The following RNF212 variants were observed in gnomAD, a reference collection of about 807,000 sequenced individuals.
The protein encoded by RNF212 is probable E3 SUMO-protein ligase RNF212.
Under a neutral mutation model 34.7 loss-of-function variants are expected in RNF212, and 33 were observed. That is an observed-to-expected ratio of 0.95 (90% CI 0.72 to 1.27). The LOEUF (loss-of-function observed/expected upper bound fraction) is 1.27. RNF212 is among the 50% of genes most tolerant of loss of function. The pLI is 0.00. For synonymous variants in RNF212, 140 were observed against 136.1 expected (o/e 1.03, Z -0.20); for missense variants, 377 against 362.2 (o/e 1.04, Z -0.33).
Position 1,083,945 on chromosome 4 carries a change from A to T in RNF212, c.362+1951T>A, listed in dbSNP as rs1016083861. On this transcript the variant is annotated intron_variant, in intron 5 of 9. Transcript: ENST00000433731. ...ATGAAAGTAATTCCACATTTTGTGCATTTTTTTTTTTTTTTTTTGAGAGAC... is the reference window on the plus strand; with the variant it reads ...ATGAAAGTAATTCCACATTTTGTGCTTTTTTTTTTTTTTTTTTTGAGAGAC... 2.0e-3 allele frequency among the ~76,000 whole-genome samples: 266 copies of T among 134,662 alleles called. 1 individual carries two copies. Among genetic ancestry groups the T allele is most frequent in the African/African-American group, 6.7e-3 (246 of 36,504 alleles). The allele number at this position is 134,662 out of a possible 152,430, so 88.3% of individuals were successfully genotyped here. A position where few individuals can be genotyped will look rare whatever the true frequency, so the allele number is the denominator to read the frequency against.
At chr4:1,094,119 G>A in intron 3 of RNF212, 1 of 1,325,608 alleles carries the variant, frequency 7.5e-7, no homozygotes, top group South Asian at 1.5e-5. Flanking sequence ...ATGAAGGAGA[G>A]TGCCATGCAG....
At chr4:1,100,154 TGTGGAC>T (rs1723738100) in intron 2 of RNF212, 1 of 335,088 alleles carries the variant, frequency 3.0e-6, no homozygotes, top group South Asian at 2.4e-5. Flanking sequence ...TTGCTGCCTG[TGTGGAC>T]TTTGCACGGT....
intron 1 of RNF212, among the ~76,000 whole-genome samples, chr4:1,111,962 C>T (rs1186102987): frequency 6.6e-6 from 1 of 152,196 alleles, no homozygotes; most frequent in Non-Finnish European, 1.5e-5. Flanking sequence ...GCTAATCCCA[C>T]ATTTCGGGAG....
At chr4:1,070,903 CA>C (rs1718433270), downstream of RNF212, among the ~76,000 whole-genome samples, 1 of 151,446 alleles carries the variant, frequency 6.6e-6, no homozygotes, top group African/African-American at 2.4e-5. Context: ...ACTGTTCTTA[CA>C]ATTTTTTCTG....
At position 1,073,620 on chromosome 4, in the gene RNF212, G is replaced by A. The variant is rs1034164775; in HGVS notation, c.553C>T (p.Pro185Ser). 207 of 1,611,000 alleles carry A rather than the reference G, an allele frequency of 1.3e-4. 1 individual carries two copies. The highest frequency in any genetic ancestry group is 1.7e-4 in the Non-Finnish European group (198 of 1,177,576). The change falls in exon 9 of 10, where the codon CCA becomes TCA. Residue 185 changes from proline (P) to serine (S), a missense_variant. By Grantham distance (74) the Pro-to-Ser change is moderately conservative. Transcript: ENST00000433731. Reference protein sequence around the residue: ...AGPARISMISPPQDGRMGPHL... With the variant: ...AGPARISMISSPQDGRMGPHL... ...TTACCCATTCGTCCATCTTGAGGTG[G>A]ACTAATCATGGAGATTCTCGCAGGG...
At chr4:1,110,574 G>C (rs1027406540) in intron 1 of RNF212, among the ~76,000 whole-genome samples, 5 of 152,178 alleles carry the variant, frequency 3.3e-5, no homozygotes, top group African/African-American at 1.2e-4. Flanking sequence ...CCTTAAGAAT[G>C]ATGATACAGA....
chr4:1,083,922 G>A (rs907026610), intron 5 of RNF212, among the ~76,000 whole-genome samples: 1 of 149,026 alleles, frequency 6.7e-6, no homozygotes, highest in Admixed American at 6.7e-5. Context: ...GGAAAAAAAT[G>A]AAAGTAATTC....
At chr4:1,073,303 A>G (rs1031965358) in intron 9 of RNF212, 110 bp from the exon 10 acceptor site, 1 of 1,420,340 alleles carries the variant, frequency 7.0e-7, no homozygotes, top group East Asian at 2.4e-5. Flanking sequence ...CCAGCAATTC[A>G]AAGCCAATTA....
In RNF212 at chr4:1,075,527, G is replaced by C. The variant is rs6833432; in HGVS notation, c.511-1865C>G. ...ATCTCGTGAGAACTCACCCACCATGGCAAAGACAGCACCAGCCACCAGGGA... is the reference window on the plus strand; with the variant it reads ...ATCTCGTGAGAACTCACCCACCATGCCAAAGACAGCACCAGCCACCAGGGA... On this transcript the variant is annotated intron_variant, in intron 8 of 9. Transcript: ENST00000433731. Among the ~76,000 whole-genome samples, 1,209 of 152,302 alleles carry C rather than the reference G, an allele frequency of 7.9e-3. 13 individuals are homozygous for C. The highest frequency in any genetic ancestry group is 0.028 in the African/African-American group (1,161 of 41,544).
chr4:1,081,563 T>C lies in RNF212; in HGVS notation c.415+4A>G. The C allele has an allele frequency of 6.2e-7, 1 of 1,610,590 alleles. No homozygotes were observed. The highest frequency in any genetic ancestry group is 8.5e-7 in the Non-Finnish European group (1 of 1,176,874). On this transcript the variant is annotated splice_donor_region_variant and intron_variant, in intron 6 of 9. Transcript: ENST00000433731. Reference sequence around the variant, plus strand: ...TGTTCTCTTTCTGGCATGATTTTACTTACTTGAAACTGAACTTTTTATTGT... The same window carrying C: ...TGTTCTCTTTCTGGCATGATTTTACCTACTTGAAACTGAACTTTTTATTGT...
intron 3 of RNF212, chr4:1,093,793 G>A: frequency 1.3e-6 from 2 of 1,536,150 alleles, no homozygotes; most frequent in Non-Finnish European, 1.7e-6. Context: ...GATGGAGCAG[G>A]GTGAGGGGGT....
chr4:1,086,318 C>A (rs1050695681), intron 4 of RNF212, among the ~76,000 whole-genome samples: 2 of 152,026 alleles, frequency 1.3e-5, no homozygotes, highest in South Asian at 4.1e-4. Context: ...ACAGCCTCTG[C>A]TGTCAGGCTG....
intron 3 of RNF212, chr4:1,093,686 G>A (rs776734207): frequency 4.0e-5 from 61 of 1,536,012 alleles, no homozygotes; most frequent in South Asian, 1.7e-4. Flanking sequence ...TGGAGCGCAC[G>A]GCCTGTGGCT....
chr4:1,085,657 G>T, intron 5 of RNF212: 1 of 564,176 alleles, frequency 1.8e-6, no homozygotes, highest in Non-Finnish European at 3.1e-6. Flanking sequence ...AGCAATCACT[G>T]GGGCACCTGC....
At chr4:1,108,831 C>G (rs1725215457) in intron 1 of RNF212, among the ~76,000 whole-genome samples, 1 of 152,030 alleles carries the variant, frequency 6.6e-6, no homozygotes, top group South Asian at 2.1e-4. Flanking sequence ...CCCTGAGTAG[C>G]TAGGACCACA....
chr4:1,068,820 A>G (rs1202354787), downstream of RNF212, among the ~76,000 whole-genome samples: 3 of 152,254 alleles, frequency 2.0e-5, no homozygotes, highest in Non-Finnish European at 4.4e-5. Flanking sequence ...CATTGGATAC[A>G]GAATTCCTGG....
In RNF212 at chr4:1,073,025, G is replaced by C. The variant is rs749063976; in HGVS notation, c.743C>G (p.Thr248Ser). The change falls in exon 10 of 10, where the codon ACC becomes AGC. Residue 248 changes from threonine (T) to serine (S), a missense_variant. By Grantham distance (58) the Thr-to-Ser change is moderately conservative. Coordinates refer to ENST00000433731, the MANE Select transcript of RNF212 (RefSeq NM_001131034.4). ...AFSSGRHGEL[T>S]NSKTLPIYAE... ...ATATATTGGAAGTGTTTTAGAGTTGGTGAGTTCCCCGTGCCTTCCAGAACT... is the reference window on the plus strand; with the variant it reads ...ATATATTGGAAGTGTTTTAGAGTTGCTGAGTTCCCCGTGCCTTCCAGAACT... 6.2e-7 allele frequency: 1 copy of C among 1,614,188 alleles called. No individual in the cohort carries two copies. Among genetic ancestry groups the C allele is most frequent in the South Asian group, 1.1e-5 (1 of 91,082 alleles).
chr4:1,060,912 A>AGTGCTT (rs1243396759), intron 3 of RNF212, among the ~76,000 whole-genome samples: 1 of 152,228 alleles, frequency 6.6e-6, no homozygotes, highest in East Asian at 1.9e-4. Context: ...TCATTCAATG[A>AGTGCTT]GTGCTTGTTG....
At chr4:1,105,949 G>T (rs1724749038) in intron 2 of RNF212, among the ~76,000 whole-genome samples, 1 of 152,258 alleles carries the variant, frequency 6.6e-6, no homozygotes, top group Non-Finnish European at 1.5e-5. Flanking sequence ...CAAGCTGGCT[G>T]CCTGGGGACC....
Sources: allele counts gnomAD v4.1 joint callset (sites outside exome capture counted in the v4.1 genomes callset), GRCh38; gene constraint gnomAD v4.1.1; transcripts MANE v1.5; gene names NCBI Gene and HGNC (gene_info 2026-07-23, HGNC 2026-07-21).